PDE8B: variants seen among roughly 807,000 people sequenced by gnomAD.
PDE8B encodes the protein phosphodiesterase 8B.
In PDE8B, 26 loss-of-function variants were observed where a neutral mutation model predicts 101.3. The observed-to-expected ratio is 0.26, with a 90% CI of 0.19 to 0.36. The LOEUF (loss-of-function observed/expected upper bound fraction) is 0.36. Among genes scored for constraint, PDE8B ranks in the 10% least tolerant of loss-of-function variants. The pLI, the probability that PDE8B is intolerant of heterozygous loss-of-function variation, is 1.00. For missense variants in PDE8B, 810 were observed against 1,163.1 expected (o/e 0.70, Z 4.42); for synonymous variants, 424 against 429.3 (o/e 0.99, Z 0.15).
chr5:77,110,474 A>G, the PDE8B span, among the ~76,000 whole-genome samples: 2 of 152,176 alleles, frequency 1.3e-5, no homozygotes, highest in African/African-American at 4.8e-5. Context: ...CTCTGAATAG[A>G]TTTGCACTGG....
At chr5:77,246,618 T>C (rs1157348416) in intron 1 of PDE8B, 2 of 152,202 alleles carry the variant, frequency 1.3e-5, no homozygotes, top group African/African-American at 2.4e-5. Context: ...CTGTGTTCAT[T>C]TATTTACTTA....
chr5:77,295,104 A>T (rs1208907237), intron 1 of PDE8B, among the ~76,000 whole-genome samples: 5 of 152,154 alleles, frequency 3.3e-5, no homozygotes, highest in African/African-American at 1.2e-4. Flanking sequence ...TAAGGAAAAG[A>T]AATCAGATTG....
At chr5:77,326,208 C>G (rs1776025038) in intron 3 of PDE8B, among the ~76,000 whole-genome samples, 1 of 152,166 alleles carries the variant, frequency 6.6e-6, no homozygotes, top group Non-Finnish European at 1.5e-5. Flanking sequence ...TTTGCAGCAA[C>G]AGAAAATCTT....
the PDE8B span, among the ~76,000 whole-genome samples, chr5:77,096,301 T>C: frequency 1.3e-5 from 2 of 152,214 alleles, no homozygotes; most frequent in African/African-American, 2.4e-5. Context: ...ATACACATTA[T>C]TGATGAACTT....
chr5:77,235,406 G>T (rs573622567), intron 1 of PDE8B, among the ~76,000 whole-genome samples: 2 of 152,340 alleles, frequency 1.3e-5, no homozygotes, highest in African/African-American at 4.8e-5. Context: ...GGGCCTACCA[G>T]TGTATGAACA....
the PDE8B span, among the ~76,000 whole-genome samples, chr5:77,179,134 C>T: frequency 6.6e-6 from 1 of 152,188 alleles, no homozygotes; most frequent in Non-Finnish European, 1.5e-5. Flanking sequence ...TGGAGGAATG[C>T]TTTTGTGAAA....
At chr5:77,270,123 T>A (rs1580704176) in intron 1 of PDE8B, among the ~76,000 whole-genome samples, 1 of 152,346 alleles carries the variant, frequency 6.6e-6, no homozygotes, top group African/African-American at 2.4e-5. Flanking sequence ...ATCTTTTCAA[T>A]TCTTAGTATC....
chr5:77,407,479 C>T, intron 13 of PDE8B, 22 bp downstream of exon 13: 1 of 1,570,060 alleles, frequency 6.4e-7, no homozygotes, highest in Non-Finnish European at 8.8e-7. Context: ...CTGCTGCCTG[C>T]ACTCTGCAGT....
chr5:77,153,184 G>T, the PDE8B span, among the ~76,000 whole-genome samples: 1 of 152,076 alleles, frequency 6.6e-6, no homozygotes, highest in African/African-American at 2.4e-5. Flanking sequence ...GTGTGCCAAG[G>T]TGGAGAAACC....
At chr5:77,158,602 A>G in the PDE8B span, among the ~76,000 whole-genome samples, 1 of 152,172 alleles carries the variant, frequency 6.6e-6, no homozygotes, top group African/African-American at 2.4e-5. Context: ...GTGCCTGTGG[A>G]TGGAGCCTGG....
intron 1 of PDE8B, among the ~76,000 whole-genome samples, chr5:77,265,133 T>C (rs911695929): frequency 6.6e-6 from 1 of 152,306 alleles, no homozygotes; most frequent in Non-Finnish European, 1.5e-5. Context: ...CTGTGGCAGG[T>C]AACTCATCTG....
At chr5:77,374,183 A>G (rs1278769477) in intron 10 of PDE8B, among the ~76,000 whole-genome samples, 1 of 152,124 alleles carries the variant, frequency 6.6e-6, no homozygotes, top group Non-Finnish European at 1.5e-5. Context: ...TTGATTTGAT[A>G]GTAATATAGC....
intron 1 of PDE8B, among the ~76,000 whole-genome samples, chr5:77,277,891 TC>T (rs1169835242): frequency 1.3e-5 from 2 of 152,236 alleles, no homozygotes; most frequent in African/African-American, 4.8e-5. Flanking sequence ...ATTTCACAGT[TC>T]CTTCATTTGC....
chr5:77,145,515 A>C, the PDE8B span: 1 of 152,214 alleles, frequency 6.6e-6, no homozygotes, highest in Non-Finnish European at 1.5e-5. Flanking sequence ...TCAGAGTAGT[A>C]TTCAGTCATA....
chr5:77,425,514 C>G (rs1411258400), intron 20 of PDE8B, among the ~76,000 whole-genome samples: 1 of 152,162 alleles, frequency 6.6e-6, no homozygotes, highest in East Asian at 1.9e-4. Flanking sequence ...GACTGCACCA[C>G]TGTACTACAG....
At chr5:77,416,819 G>C (rs1354193328) in intron 17 of PDE8B, among the ~76,000 whole-genome samples, 1 of 152,160 alleles carries the variant, frequency 6.6e-6, no homozygotes, top group Non-Finnish European at 1.5e-5. Flanking sequence ...TGCAGGCCTA[G>C]GAGAGCAAAT....
rs1297659516 is a variant in PDE8B, at chr5:77,378,050, C to CACACACA, written c.1168-22198_1168-22197insACACACA. Among the ~76,000 whole-genome samples the CACACACA allele has an allele frequency of 3.0e-3, 330 of 110,256 alleles. 1 individual carries two copies. The highest frequency in any genetic ancestry group is 0.016 in the African/African-American group (311 of 19,244). 72.3% of individuals were successfully genotyped at this position (110,256 alleles called of 152,430 possible). A position where few individuals can be genotyped will look rare whatever the true frequency, so the allele number is the denominator to read the frequency against. On this transcript the variant is annotated intron_variant, in intron 10 of 21. Coordinates refer to ENST00000264917, the MANE Select transcript of PDE8B (RefSeq NM_003719.5). The stretch of plus-strand genomic sequence containing the variant: ...CACACACACACACACACACACACAC[C>CACACACA]CCCTGTTGGTTCTTTGTCTAGAGAA...
At chr5:77,351,735 C>T (rs764976258) in intron 9 of PDE8B, among the ~76,000 whole-genome samples, 10 of 152,122 alleles carry the variant, frequency 6.6e-5, no homozygotes, top group Non-Finnish European at 1.3e-4. Flanking sequence ...GTGAGATTTA[C>T]AAAGCCAAAC....
chr5:77,162,238 CACTGAAAATTTATAAAATACT>C, the PDE8B span, among the ~76,000 whole-genome samples: 1 of 151,996 alleles, frequency 6.6e-6, no homozygotes, highest in South Asian at 2.1e-4. Flanking sequence ...AAGGCTTATA[CACTGAAAATTTATAAAATACT>C]ACTGAGAGAA....
Sources: allele counts gnomAD v4.1 joint callset (sites outside exome capture counted in the v4.1 genomes callset), GRCh38; gene constraint gnomAD v4.1.1; transcripts MANE v1.5; gene names NCBI Gene and HGNC (gene_info 2026-07-23, HGNC 2026-07-21).